Variants in KATNAL2 observed in about 807,000 individuals in gnomAD.
KATNAL2 encodes the protein katanin p60 ATPase-containing subunit A-like 2.
Under a neutral mutation model 76.3 loss-of-function variants are expected in KATNAL2, and 52 were observed. The observed-to-expected ratio is 0.68, with a 90% CI of 0.55 to 0.86. KATNAL2 has a LOEUF of 0.86. Ranked by LOEUF, KATNAL2 falls within the 40% of genes least tolerant of loss-of-function variation. The pLI is 0.00. For synonymous variants in KATNAL2, 243 were observed against 244.2 expected (o/e 1.00, Z 0.05); for missense variants, 660 against 668.9 (o/e 0.99, Z 0.15).
intron 3 of KATNAL2, among the ~76,000 whole-genome samples, chr18:47,032,000 C>T (rs937214501): frequency 6.6e-6 from 1 of 152,160 alleles, no homozygotes; most frequent in Non-Finnish European, 1.5e-5. Context: ...AGCAGACGTC[C>T]GTGTGATCTG....
intron 3 of KATNAL2, among the ~76,000 whole-genome samples, chr18:47,043,245 A>AAAAAAAAAAAAAAAAAAAAAAT (rs376877321): frequency 0.015 from 1,402 of 92,916 alleles, 314 homozygotes; most frequent in African/African-American, 0.027. Flanking sequence ...AAAAAAAAAA[A>AAAAAAAAAAAAAAAAAAAAAAT]GAGATCCTAA....
intron 3 of KATNAL2, among the ~76,000 whole-genome samples, chr18:47,031,817 C>G (rs1326909880): frequency 6.6e-6 from 1 of 152,152 alleles, no homozygotes; most frequent in Non-Finnish European, 1.5e-5. Flanking sequence ...TGTCACATCC[C>G]TTTTCCCAGA....
In KATNAL2 at chr18:46,952,393, G is replaced by GTTTTT. The variant is rs35596537; in HGVS notation, c.51+5490_51+5494dup. On this transcript the variant is annotated intron_variant, in intron 3 of 17. Coordinates refer to ENST00000683218, the MANE Select transcript of KATNAL2 (RefSeq NM_001387690.1). ...GCCATTGCACTCAGCCTGCAGGTATGTTTTTTTTTTTTTTTTTTTTTTTTG... is the reference window on the plus strand; with the variant it reads ...GCCATTGCACTCAGCCTGCAGGTATGTTTTTTTTTTTTTTTTTTTTTTTTTTTTTG... Among the ~76,000 whole-genome samples the GTTTTT allele has an allele frequency of 5.2e-3, 336 of 64,424 alleles. 4 individuals carry two copies. The highest frequency in any genetic ancestry group is 6.1e-3 in the Non-Finnish European group (227 of 37,404). The allele number at this position is 64,424 out of a possible 152,430, so 42.3% of individuals were successfully genotyped here. A position where few individuals can be genotyped will look rare whatever the true frequency, so the allele number is the denominator to read the frequency against.
intron 1 of KATNAL2, among the ~76,000 whole-genome samples, chr18:46,942,827 A>ATT (rs57765600): frequency 1.9e-4 from 27 of 145,736 alleles, no homozygotes; most frequent in Non-Finnish European, 2.9e-4. Flanking sequence ...TGCTTTTGTA[A>ATT]TTTTTTTTTT....
At chr18:47,035,560 A>G (rs1439825983) in intron 3 of KATNAL2, 2 of 610,166 alleles carry the variant, frequency 3.3e-6, no homozygotes, top group Non-Finnish European at 5.8e-6. Context: ...CTCTGGTGCC[A>G]GAGCTGGGCC....
In KATNAL2 at chr18:46,921,362, G is replaced by A. The variant is rs796701164; in HGVS notation, c.-510+3436G>A. On this transcript the variant is annotated intron_variant, in intron 1 of 17. Transcript: ENST00000683218. ...AGGCTAGTCTTGAACTCCTGACCTC[G>A]TGATCCACCTGCCTTGGCCTCCCAA... is the stretch of plus-strand genomic sequence containing the variant. 5.5e-4 allele frequency among the ~76,000 whole-genome samples: 83 copies of A among 152,226 alleles called. 1 individual carries two copies. The highest frequency in any genetic ancestry group is 1.8e-3 in the African/African-American group (74 of 41,548).
chr18:46,935,174 A>T (rs2059051322), intron 1 of KATNAL2, among the ~76,000 whole-genome samples: 1 of 149,600 alleles, frequency 6.7e-6, no homozygotes. Context: ...AACCTAATAG[A>T]AACTCTAGAA....
intron 1 of KATNAL2, among the ~76,000 whole-genome samples, chr18:46,918,581 A>T (rs902432400): frequency 6.6e-6 from 1 of 151,960 alleles, no homozygotes; most frequent in Non-Finnish European, 1.5e-5. Context: ...CCGCCTCCCG[A>T]GTAGCTGCGA....
intron 3 of KATNAL2, among the ~76,000 whole-genome samples, chr18:47,045,329 C>CT (rs10533284): frequency 3.2e-4 from 44 of 139,506 alleles, no homozygotes; most frequent in East Asian, 1.9e-3. Flanking sequence ...CTTTTCTTTT[C>CT]TTTTTTTTTT....
At chr18:47,080,015 C>T (rs1238054945) in intron 15 of KATNAL2, among the ~76,000 whole-genome samples, 1 of 152,138 alleles carries the variant, frequency 6.6e-6, no homozygotes, top group Non-Finnish European at 1.5e-5. Flanking sequence ...ATGACCTCTG[C>T]CTGAATCAGT....
chr18:47,075,196 CATTCT>C, intron 13 of KATNAL2, 76 bp from the exon 14 acceptor site: 8 of 1,068,284 alleles, frequency 7.5e-6, no homozygotes, highest in Non-Finnish European at 1.0e-5. Flanking sequence ...TTATTACAGT[CATTCT>C]AAGTTTTTAC....
intron 15 of KATNAL2, among the ~76,000 whole-genome samples, chr18:47,079,357 T>C (rs2062398499): frequency 6.6e-6 from 1 of 152,178 alleles, no homozygotes; most frequent in Non-Finnish European, 1.5e-5. Flanking sequence ...TAATTGGTCA[T>C]TCCCTTAAGT....
rs1256316887 is a variant in KATNAL2, at chr18:47,063,310, A to G, written c.675A>G (p.Ala225=). ...PSERLLKPLS[A]FIGMNSEMRE... is the part of the protein sequence containing the mutation. ...AACGACTGCTGAAACCTCTGAGTGC[A>G]TTTATTGGCATGAACAGTGAGATGC... The change falls in exon 10 of 18, where the codon GCA becomes GCG. Residue 225 remains alanine (A), a synonymous_variant. Transcript: ENST00000683218. 64 of 1,613,842 alleles carry G rather than the reference A, an allele frequency of 4.0e-5. No individual in the cohort carries two copies. The highest frequency in any genetic ancestry group is 5.3e-5 in the Non-Finnish European group (62 of 1,179,920).
At chr18:47,040,370 T>C (rs1398833767) in intron 3 of KATNAL2, among the ~76,000 whole-genome samples, 1 of 152,204 alleles carries the variant, frequency 6.6e-6, no homozygotes, top group Non-Finnish European at 1.5e-5. Flanking sequence ...TTTTATGAAA[T>C]GATATAAAGT....
intron 15 of KATNAL2, 166 bp from the exon 16 acceptor site, chr18:47,099,077 T>C (rs2063366970): frequency 1.8e-6 from 1 of 564,420 alleles, no homozygotes; most frequent in Non-Finnish European, 3.0e-6. Context: ...TCACCAATTC[T>C]TTCTCCAAAT....
At chr18:46,929,639 G>A (rs751316951) in intron 1 of KATNAL2, among the ~76,000 whole-genome samples, 5 of 152,046 alleles carry the variant, frequency 3.3e-5, no homozygotes, top group Admixed American at 6.6e-5. Flanking sequence ...GTTGTTTCCA[G>A]GTTTTGATTA....
At position 47,045,331 on chromosome 18, in the gene KATNAL2, T is replaced by TTTC. The variant is rs758686226; in HGVS notation, c.52-1124_52-1123insCTT. On this transcript the variant is annotated intron_variant, in intron 3 of 17. Transcript: ENST00000683218. ...TTGTTTTTCTTTTCTTTTCTTTTCT[T>TTTC]TTTTTTTTTTTTGAGACAGAGTCTT... 1.8e-3 allele frequency among the ~76,000 whole-genome samples: 70 copies of TTTC among 39,706 alleles called. 1 individual carries two copies. The highest frequency in any genetic ancestry group is 4.2e-3 in the African/African-American group (51 of 12,278). The allele number at this position is 39,706 out of a possible 152,430, so 26.0% of individuals were successfully genotyped here. A position where few individuals can be genotyped will look rare whatever the true frequency, so the allele number is the denominator to read the frequency against.
chr18:46,946,693 G>A lies in KATNAL2; in HGVS notation c.-20+147G>A, dbSNP rs2059389315. ...CAAACACTCTGGATTAAACATGCATGGTCTAACATTGATTGGCATGTTAAA... is the reference window on the plus strand; with the variant it reads ...CAAACACTCTGGATTAAACATGCATAGTCTAACATTGATTGGCATGTTAAA... On this transcript the variant is annotated intron_variant, in intron 2 of 17. Transcript: ENST00000683218. 3.9e-6 allele frequency: 4 copies of A among 1,038,944 alleles called. No homozygotes were observed. In the South Asian group the frequency reaches 5.0e-5, roughly 13 times the overall value. 64.4% of individuals were successfully genotyped at this position (1,038,944 alleles called of 1,614,324 possible).
chr18:46,946,322 A>G lies in KATNAL2; in HGVS notation c.-244A>G. ...AGGAGAAGGGGAAGTTTGGTGATGCACAGTTTGCATCCCAGAAGGCTCTTG... is the reference window on the plus strand; with the variant it reads ...AGGAGAAGGGGAAGTTTGGTGATGCGCAGTTTGCATCCCAGAAGGCTCTTG... On this transcript the variant is annotated 5_prime_UTR_variant, in exon 2 of 18. Transcript: ENST00000683218. 1 of 1,038,904 alleles carries G rather than the reference A, an allele frequency of 9.6e-7. No individual in the cohort carries two copies. Among genetic ancestry groups the G allele is most frequent in the Non-Finnish European group, 1.2e-6 (1 of 859,694 alleles). 64.4% of individuals were successfully genotyped at this position (1,038,904 alleles called of 1,614,324 possible). A position where few individuals can be genotyped will look rare whatever the true frequency, so the allele number is the denominator to read the frequency against.
Sources: allele counts gnomAD v4.1 joint callset (sites outside exome capture counted in the v4.1 genomes callset), GRCh38; gene constraint gnomAD v4.1.1; transcripts MANE v1.5; gene names NCBI Gene and HGNC (gene_info 2026-07-23, HGNC 2026-07-21).